The following GPATCH2L variants were observed in gnomAD, a reference collection of about 807,000 sequenced individuals.
The protein encoded by GPATCH2L is G-patch domain containing 2 like, also known as G patch domain-containing protein 2-like.
In GPATCH2L, 31 loss-of-function variants were observed where a neutral mutation model predicts 57.4. The ratio of observed to expected loss-of-function variants is 0.54; its 90% CI spans 0.41 to 0.73. The LOEUF is 0.73. Ranked by LOEUF, GPATCH2L falls within the 30% of genes least tolerant of loss-of-function variation. The pLI is 0.00. For synonymous variants in GPATCH2L, 199 were observed against 210.7 expected (o/e 0.94, Z 0.48); for missense variants, 481 against 599.9 (o/e 0.80, Z 2.07).
intron 1 of GPATCH2L, among the ~76,000 whole-genome samples, chr14:76,224,281 C>G (rs11623404): frequency 0.96 from 145,657 of 152,272 alleles, 70,015 homozygotes; most frequent in East Asian, 1. Flanking sequence ...TTTCTTTCTG[C>G]AGTGATGAAA....
chr14:76,172,220 A>G (rs1284477745), intron 4 of GPATCH2L, among the ~76,000 whole-genome samples: 1 of 152,198 alleles, frequency 6.6e-6, no homozygotes, highest in Non-Finnish European at 1.5e-5. Flanking sequence ...TAATCCATGG[A>G]AACTCCTGGG....
rs2040467812 is a variant in GPATCH2L at position 76,213,854 on chromosome 14, T to G, written c.*12003T>G. 1 of 152,218 alleles carries G rather than the reference T, an allele frequency of 6.6e-6. No individual in the cohort carries two copies. Among genetic ancestry groups the G allele is most frequent in the South Asian group, 2.1e-4 (1 of 4,836 alleles). The allele number at this position is 152,218 out of a possible 1,614,324, so 9.4% of individuals were successfully genotyped here. On this transcript the variant is annotated 3_prime_UTR_variant, in exon 10 of 10. Coordinates refer to ENST00000261530, the MANE Select transcript of GPATCH2L (RefSeq NM_017926.4). The stretch of plus-strand genomic sequence containing the variant: ...AATCCTATTAACTACATACTTTATT[T>G]GAATTGTAGCTGTTTTCCCAGTAAT...
chr14:76,157,656 G>A (rs966792249), intron 2 of GPATCH2L, among the ~76,000 whole-genome samples: 4 of 142,278 alleles, frequency 2.8e-5, no homozygotes, highest in African/African-American at 7.6e-5. Context: ...GCTTAGCTTA[G>A]CCTAGTCAAT....
chr14:76,176,179 C>G (rs905557407), intron 5 of GPATCH2L: 1 of 153,654 alleles, frequency 6.5e-6, no homozygotes, highest in East Asian at 1.9e-4. Flanking sequence ...TTACATTTTA[C>G]CAGTGAGGAT....
At chr14:76,187,373 C>A (rs2039807415) in intron 8 of GPATCH2L, among the ~76,000 whole-genome samples, 1 of 152,020 alleles carries the variant, frequency 6.6e-6, no homozygotes. Flanking sequence ...TCTGCACATC[C>A]AGCATAGTAT....
Position 76,208,731 on chromosome 14 carries a change from C to T in GPATCH2L, c.*6880C>T, listed in dbSNP as rs919142840. 7.2e-5 allele frequency: 11 copies of T among 152,384 alleles called. No individual in the cohort carries two copies. Among genetic ancestry groups the T allele is most frequent in the African/African-American group, 2.7e-4 (11 of 41,440 alleles). 9.4% of individuals were successfully genotyped at this position (152,384 alleles called of 1,614,324 possible). A position where few individuals can be genotyped will look rare whatever the true frequency, so the allele number is the denominator to read the frequency against. Reference sequence around the variant, plus strand: ...TTGCATTTAAACATGTTCAGATACTCCTTCCTTCAAACAAAAGACCTTTCC... The same window carrying T: ...TTGCATTTAAACATGTTCAGATACTTCTTCCTTCAAACAAAAGACCTTTCC... On this transcript the variant is annotated 3_prime_UTR_variant, in exon 10 of 10. Transcript: ENST00000261530.
At chr14:76,228,453 G>A (rs78729381) in intron 1 of GPATCH2L, among the ~76,000 whole-genome samples, 2 of 152,234 alleles carry the variant, frequency 1.3e-5, no homozygotes, top group East Asian at 3.9e-4. Flanking sequence ...GTAACTTTCC[G>A]CATTGTGCCA....
chr14:76,228,170 C>T (rs2040544188), intron 1 of GPATCH2L, among the ~76,000 whole-genome samples: 1 of 152,114 alleles, frequency 6.6e-6, no homozygotes, highest in Non-Finnish European at 1.5e-5. Flanking sequence ...ATTATTGTTT[C>T]GCATCGCCAT....
At chr14:76,234,225 T>A (rs1007424554) in intron 2 of GPATCH2L, among the ~76,000 whole-genome samples, 2 of 152,234 alleles carry the variant, frequency 1.3e-5, no homozygotes, top group Non-Finnish European at 2.9e-5. Flanking sequence ...ATCTATGGAT[T>A]CCCTCTCTCT....
intron 8 of GPATCH2L, among the ~76,000 whole-genome samples, chr14:76,190,721 A>G (rs1484625829): frequency 6.6e-6 from 1 of 152,140 alleles, no homozygotes; most frequent in Non-Finnish European, 1.5e-5. Flanking sequence ...AGATTTTTCA[A>G]CTCAGTAATT....
chr14:76,183,372 C>T (rs544921227), intron 8 of GPATCH2L, among the ~76,000 whole-genome samples: 16 of 152,322 alleles, frequency 1.1e-4, no homozygotes, highest in African/African-American at 3.6e-4. Context: ...TACTTCTAGA[C>T]GTCATACCCA....
At chr14:76,235,442 C>T (rs938415628) in intron 2 of GPATCH2L, among the ~76,000 whole-genome samples, 10 of 152,180 alleles carry the variant, frequency 6.6e-5, no homozygotes, top group African/African-American at 1.9e-4. Context: ...GCTCTCTTGC[C>T]TGCTGCCATG....
At position 76,154,082 on chromosome 14, in the gene GPATCH2L, C is replaced by T. The variant is rs914353491; in HGVS notation, c.-10-272C>T. ...TTGTTTTGGGTCCTGTCCCAGTTGT[C>T]TTCTGGTTAGTAGGTTTTTGTGCTT... On this transcript the variant is annotated intron_variant, in intron 1 of 9. Coordinates refer to ENST00000261530, the MANE Select transcript of GPATCH2L (RefSeq NM_017926.4). The surrounding 1 kb of genome is among the most constrained non-coding windows in gnomAD (Gnocchi z 4.4). 20 of 302,000 alleles carry T rather than the reference C, an allele frequency of 6.6e-5. No homozygotes were observed. The highest frequency in any genetic ancestry group is 2.3e-4 in the South Asian group (3 of 13,110). 18.7% of individuals were successfully genotyped at this position (302,000 alleles called of 1,614,324 possible). A position where few individuals can be genotyped will look rare whatever the true frequency, so the allele number is the denominator to read the frequency against.
downstream of GPATCH2L, among the ~76,000 whole-genome samples, chr14:76,215,911 A>G (rs1355719786): frequency 6.6e-6 from 1 of 151,722 alleles, no homozygotes; most frequent in Non-Finnish European, 1.5e-5. Flanking sequence ...TTAAAGTATA[A>G]TTAAAAAAAT....
chr14:76,222,601 C>T (rs953602085), intron 1 of GPATCH2L, among the ~76,000 whole-genome samples: 7 of 150,972 alleles, frequency 4.6e-5, no homozygotes, highest in African/African-American at 7.3e-5. Flanking sequence ...GAGTGAGACC[C>T]TGTAACAACA....
rs1030534661 is a variant in GPATCH2L, at chr14:76,178,427, G to A, written c.1107+385G>A. ...TAGAAGACAGTTTTTCCATGGACCCGGGTTGGGGGCGTGGTGAGGGGGGTG... is the reference window on the plus strand; with the variant it reads ...TAGAAGACAGTTTTTCCATGGACCCAGGTTGGGGGCGTGGTGAGGGGGGTG... On this transcript the variant is annotated intron_variant, in intron 7 of 9. Transcript: ENST00000261530. 6 of 329,822 alleles carry A rather than the reference G, an allele frequency of 1.8e-5. 1 individual carries two copies. The highest frequency in any genetic ancestry group is 1.2e-4 in the South Asian group (4 of 32,428). 20.4% of individuals were successfully genotyped at this position (329,822 alleles called of 1,614,324 possible). A position where few individuals can be genotyped will look rare whatever the true frequency, so the allele number is the denominator to read the frequency against.
downstream of GPATCH2L, among the ~76,000 whole-genome samples, chr14:76,218,743 GTAA>G (rs2139859792): frequency 6.6e-6 from 1 of 151,540 alleles, no homozygotes; most frequent in Admixed American, 6.6e-5. Flanking sequence ...AAACAGAGTA[GTAA>G]TAATTTGTGA....
At chr14:76,153,003 A>T (rs1239551479) in intron 1 of GPATCH2L, 23 of 340,482 alleles carry the variant, frequency 6.8e-5, no homozygotes, top group Admixed American at 2.1e-4. Flanking sequence ...CTTAATGCTT[A>T]AAAGAACTTG....
rs2040419061 is a variant in GPATCH2L at position 76,209,730 on chromosome 14, C to T, written c.*7879C>T. The stretch of plus-strand genomic sequence containing the variant: ...ATCAAAGAACTTTTTATTGGGGCAT[C>T]AGCACTAGCCCTATGAATACAGTGA... On this transcript the variant is annotated 3_prime_UTR_variant, in exon 10 of 10. Coordinates refer to ENST00000261530, the MANE Select transcript of GPATCH2L (RefSeq NM_017926.4). 1.3e-5 allele frequency: 2 copies of T among 152,222 alleles called. No individual in the cohort carries two copies. The allele number at this position is 152,222 out of a possible 1,614,324, so 9.4% of individuals were successfully genotyped here. A position where few individuals can be genotyped will look rare whatever the true frequency, so the allele number is the denominator to read the frequency against.
Sources: gnomAD v4.1 joint callset for allele counts (sites outside exome capture counted in the v4.1 genomes callset) on GRCh38, gnomAD v4.1.1 for gene constraint, Gnocchi (gnomAD v3.1) non-coding constraint, MANE v1.5 for transcripts, NCBI Gene and HGNC (gene_info 2026-07-23, HGNC 2026-07-21) for gene names.